Variants in CCSER1 observed in about 807,000 individuals in gnomAD.
The protein encoded by CCSER1 is serine-rich coiled-coil domain-containing protein 1.
A neutral mutation model predicts 82.0 loss-of-function variants in CCSER1; 41 were observed. The observed-to-expected ratio is 0.50, with a 90% confidence interval of 0.39 to 0.65. The LOEUF is 0.65. Ranked by LOEUF, CCSER1 falls within the 30% of genes least tolerant of loss-of-function variation. The probability of loss-of-function intolerance (pLI) is 0.00; values close to 1 mark genes in which losing one functional copy is unlikely to be tolerated. For synonymous variants in CCSER1, 414 were observed against 383.9 expected (o/e 1.08, Z -0.92); for missense variants, 1,119 against 1,064.2 (o/e 1.05, Z -0.72).
chr4:90,145,741 A>G lies in CCSER1; in HGVS notation c.-42+17910A>G, dbSNP rs147545176. Among the ~76,000 whole-genome samples, 903 of 152,166 alleles carry G rather than the reference A, an allele frequency of 5.9e-3. 14 individuals are homozygous for G. Among genetic ancestry groups the G allele is most frequent in the African/African-American group, 0.02 (845 of 41,562 alleles). ...TCAAAATTCTACTTTTTCTTTTATCATGTCTTCATTCTTTGGAGTTTTTAA... is the reference window on the plus strand; with the variant it reads ...TCAAAATTCTACTTTTTCTTTTATCGTGTCTTCATTCTTTGGAGTTTTTAA... On this transcript the variant is annotated intron_variant, in intron 1 of 10. Transcript: ENST00000509176.
At chr4:90,701,096 C>A (rs1158889512) in intron 6 of CCSER1, among the ~76,000 whole-genome samples, 2 of 152,102 alleles carry the variant, frequency 1.3e-5, no homozygotes, top group Non-Finnish European at 2.9e-5. Context: ...AGGTTTTCTT[C>A]TAGGGTTTTT....
At chr4:90,996,823 G>T (rs567707243) in intron 9 of CCSER1, among the ~76,000 whole-genome samples, 1 of 152,018 alleles carries the variant, frequency 6.6e-6, no homozygotes, top group African/African-American at 2.4e-5. Flanking sequence ...AATCTAAGTT[G>T]ATTGTATAAA....
At chr4:91,272,638 T>G in intron 10 of CCSER1, among the ~76,000 whole-genome samples, 1 of 152,226 alleles carries the variant, frequency 6.6e-6, no homozygotes. Context: ...TTTATTGCAT[T>G]TGGTTTTGTG....
At chr4:91,367,131 A>AG (rs968718994) in intron 10 of CCSER1, among the ~76,000 whole-genome samples, 4 of 62,882 alleles carry the variant, frequency 6.4e-5, no homozygotes, top group African/African-American at 2.9e-4. Flanking sequence ...CCATCTCTCC[A>AG]AAAAAAAAAA....
chr4:90,233,746 A>C (rs1471487704), intron 1 of CCSER1, among the ~76,000 whole-genome samples: 2 of 151,752 alleles, frequency 1.3e-5, no homozygotes, highest in Admixed American at 1.3e-4. Context: ...AAATTATTAT[A>C]GAAAAAGCAG....
chr4:91,149,961 G>A (rs2148950008), intron 10 of CCSER1, among the ~76,000 whole-genome samples: 1 of 152,178 alleles, frequency 6.6e-6, no homozygotes, highest in East Asian at 1.9e-4. Flanking sequence ...TGGCAATGCA[G>A]GCTTTTTTTT....
At chr4:91,319,855 C>T in intron 10 of CCSER1, 1 of 371,384 alleles carries the variant, frequency 2.7e-6, no homozygotes. Context: ...CTGCATTTCA[C>T]TATCCACCGT....
chr4:91,304,797 A>G (rs1203929973), intron 10 of CCSER1, among the ~76,000 whole-genome samples: 1 of 152,118 alleles, frequency 6.6e-6, no homozygotes, highest in Non-Finnish European at 1.5e-5. Context: ...TTTCATTTAT[A>G]AAACTACGTA....
chr4:90,275,713 C>G (rs1727416935), intron 1 of CCSER1, among the ~76,000 whole-genome samples: 1 of 152,096 alleles, frequency 6.6e-6, no homozygotes, highest in Non-Finnish European at 1.5e-5. Context: ...GTTTTGAATA[C>G]AGTAGATAAA....
At position 90,604,507 on chromosome 4, in the gene CCSER1, G is replaced by T. The variant is rs139984201; in HGVS notation, c.1725-23518G>T. 8.0e-4 allele frequency among the ~76,000 whole-genome samples: 122 copies of T among 152,268 alleles called. 1 individual carries two copies. The East Asian group carries it at 0.017, about 21-fold the overall frequency. On this transcript the variant is annotated intron_variant, in intron 5 of 10. Coordinates refer to ENST00000509176, the MANE Select transcript of CCSER1 (RefSeq NM_001145065.2). ...AACATGCTTGGCAAGTTTGTTGTGA[G>T]CATTAGAGATAATATATGCAATGTG...
Position 90,309,366 on chromosome 4 carries a change from G to C in CCSER1, c.1082G>C (p.Ser361Thr), listed in dbSNP as rs766964429. Residue 361 changes from serine to threonine, a missense_variant, in exon 2 of 11, where the codon AGC becomes ACC. By Grantham distance (58) the Ser-to-Thr change is moderately conservative. Coordinates refer to ENST00000509176, the MANE Select transcript of CCSER1 (RefSeq NM_001145065.2). ...QIAELPATSV[S>T]HSESNLPADS... ...GCTGAACTACCTGCTACAAGTGTGA[G>C]CCACTCAGAGAGTAACCTACCAGCA... The C allele has an allele frequency of 6.2e-7, 1 of 1,613,830 alleles. No homozygotes were observed.
intron 9 of CCSER1, among the ~76,000 whole-genome samples, chr4:90,994,391 T>C (rs1737308678): frequency 6.6e-6 from 1 of 152,092 alleles, no homozygotes; most frequent in Non-Finnish European, 1.5e-5. Context: ...TATAATTTAT[T>C]GAATACTGTA....
chr4:91,041,130 G>A (rs1207489089), intron 9 of CCSER1, among the ~76,000 whole-genome samples: 1 of 152,176 alleles, frequency 6.6e-6, no homozygotes, highest in Non-Finnish European at 1.5e-5. Flanking sequence ...AGGTGGACTA[G>A]GGGAGATGAG....
intron 10 of CCSER1, among the ~76,000 whole-genome samples, chr4:91,407,461 A>C (rs957448457): frequency 6.6e-6 from 1 of 152,172 alleles, no homozygotes; most frequent in East Asian, 1.9e-4. Flanking sequence ...TCATGTTGTC[A>C]TGCACATTAG....
intron 1 of CCSER1, among the ~76,000 whole-genome samples, chr4:90,257,214 T>C (rs10658272): frequency 0.3 from 31,818 of 107,750 alleles, 3,528 homozygotes; most frequent in South Asian, 0.4. Flanking sequence ...AATGAAATGT[T>C]ATATATATAT....
At chr4:90,455,179 C>T (rs753212953) in intron 4 of CCSER1, among the ~76,000 whole-genome samples, 11 of 152,196 alleles carry the variant, frequency 7.2e-5, no homozygotes, top group Non-Finnish European at 1.5e-4. Flanking sequence ...ACCATTTGCT[C>T]TCATGTCTAC....
intron 10 of CCSER1, among the ~76,000 whole-genome samples, chr4:91,127,584 A>T (rs1295166414): frequency 1.3e-5 from 2 of 152,140 alleles, no homozygotes; most frequent in African/African-American, 4.8e-5. Flanking sequence ...ACTACCTTTT[A>T]TGCTTGTTGC....
At chr4:91,597,554 T>G (rs776204782) in intron 10 of CCSER1, among the ~76,000 whole-genome samples, 1 of 152,118 alleles carries the variant, frequency 6.6e-6, no homozygotes, top group African/African-American at 2.4e-5. Flanking sequence ...AAGAATGAGT[T>G]TCACAGTTGA....
chr4:91,067,524 T>C (rs563006250), intron 9 of CCSER1, among the ~76,000 whole-genome samples: 1 of 152,126 alleles, frequency 6.6e-6, no homozygotes, highest in East Asian at 1.9e-4. Flanking sequence ...TTTTTATTTT[T>C]TGCAGAGGCT....
Sources: gnomAD v4.1 joint callset for allele counts (sites outside exome capture counted in the v4.1 genomes callset) on GRCh38, gnomAD v4.1.1 for gene constraint, MANE v1.5 for transcripts, NCBI Gene and HGNC (gene_info 2026-07-23, HGNC 2026-07-21) for gene names.